PTPRD: variants seen among roughly 807,000 people sequenced by gnomAD.
The protein encoded by PTPRD is protein tyrosine phosphatase receptor type D.
In PTPRD, 34 loss-of-function variants were observed where a neutral mutation model predicts 214.5. The ratio of observed to expected loss-of-function variants is 0.16; its 90% CI spans 0.12 to 0.21. The LOEUF is 0.21. Ranked by LOEUF, PTPRD falls within the 10% of genes least tolerant of loss-of-function variation. The probability of loss-of-function intolerance (pLI) is 1.00; values close to 1 mark genes in which losing one functional copy is unlikely to be tolerated. For synonymous variants in PTPRD, 1,128 were observed against 845.7 expected (o/e 1.33, Z -5.79); for missense variants, 2,545 against 2,398.7 (o/e 1.06, Z -1.27).
intron 12 of PTPRD, among the ~76,000 whole-genome samples, chr9:8,712,053 T>C (rs1410081019): frequency 3.3e-5 from 5 of 152,218 alleles, no homozygotes; most frequent in African/African-American, 1.2e-4. Context: ...TCAAGACTCA[T>C]ACAACAGTAC....
intron 34 of PTPRD, among the ~76,000 whole-genome samples, chr9:8,444,538 T>G (rs989247691): frequency 2.6e-5 from 4 of 151,966 alleles, no homozygotes; most frequent in African/African-American, 4.8e-5. Flanking sequence ...ATATGTCAAA[T>G]AAAAAAGAAA....
At chr9:10,325,070 G>C (rs2096619474) in intron 3 of PTPRD, among the ~76,000 whole-genome samples, 1 of 151,998 alleles carries the variant, frequency 6.6e-6, no homozygotes, top group Non-Finnish European at 1.5e-5. Flanking sequence ...GGTGGCTCTA[G>C]GTTTCACCTC....
intron 9 of PTPRD, among the ~76,000 whole-genome samples, chr9:9,365,558 G>C (rs1357188367): frequency 6.6e-6 from 1 of 151,392 alleles, no homozygotes; most frequent in African/African-American, 2.4e-5. Flanking sequence ...TTATTGCAGG[G>C]GAGTATGGCC....
intron 11 of PTPRD, among the ~76,000 whole-genome samples, chr9:8,895,405 G>C (rs1056314882): frequency 2.0e-5 from 3 of 152,132 alleles, no homozygotes; most frequent in African/African-American, 7.2e-5. Context: ...TTGAAAAAGA[G>C]ACTGAGAGTT....
At chr9:8,365,525 G>GA (rs2134085897) in intron 39 of PTPRD, among the ~76,000 whole-genome samples, 1 of 152,208 alleles carries the variant, frequency 6.6e-6, no homozygotes, top group Non-Finnish European at 1.5e-5. Context: ...AGCCTGGGGA[G>GA]GGAAATTCAC....
intron 2 of PTPRD, among the ~76,000 whole-genome samples, chr9:10,574,431 T>A (rs1199027155): frequency 6.6e-6 from 1 of 152,106 alleles, no homozygotes; most frequent in Non-Finnish European, 1.5e-5. Context: ...AGGTAGTCGG[T>A]ACAGGTATAA....
intron 11 of PTPRD, among the ~76,000 whole-genome samples, chr9:8,785,272 C>T (rs954082457): frequency 6.6e-6 from 1 of 151,992 alleles, no homozygotes; most frequent in Non-Finnish European, 1.5e-5. Context: ...AAAGAGAAAC[C>T]CAGTCATACC....
intron 30 of PTPRD, among the ~76,000 whole-genome samples, chr9:8,482,466 T>A (rs947583769): frequency 5.9e-5 from 9 of 151,976 alleles, no homozygotes; most frequent in Admixed American, 2.0e-4. Flanking sequence ...CAACAATGCA[T>A]GAACTATGAA....
chr9:10,476,689 T>C (rs576815403), intron 2 of PTPRD, among the ~76,000 whole-genome samples: 2 of 152,254 alleles, frequency 1.3e-5, no homozygotes, highest in South Asian at 4.1e-4. Flanking sequence ...AAGACAATCC[T>C]AAGCAAAAAC....
rs76797873 is a variant in PTPRD, at chr9:9,736,577, A to G, written c.-325-2006T>C. Among the ~76,000 whole-genome samples, 1,427 of 152,110 alleles carry G rather than the reference A, an allele frequency of 9.4e-3. 23 individuals carry two copies. The highest frequency in any genetic ancestry group is 0.031 in the African/African-American group (1,307 of 41,556). ...CAAATAATTTAAATAGTGTTACGAG[A>G]ATTGCCATTGTTGCACTTTTCCAGA... On this transcript the variant is annotated intron_variant, in intron 6 of 45. Transcript: ENST00000381196.
chr9:9,141,095 C>T (rs1008505176), intron 10 of PTPRD, among the ~76,000 whole-genome samples: 3 of 151,006 alleles, frequency 2.0e-5, no homozygotes, highest in Non-Finnish European at 4.4e-5. Flanking sequence ...TCTCTGCTCC[C>T]CCTTCTCTTC....
chr9:9,555,950 T>C (rs2081413170), intron 8 of PTPRD, among the ~76,000 whole-genome samples: 1 of 152,128 alleles, frequency 6.6e-6, no homozygotes, highest in African/African-American at 2.4e-5. Context: ...TTAAATTTAT[T>C]TTTTGTGTCT....
intron 2 of PTPRD, among the ~76,000 whole-genome samples, chr9:10,562,116 C>T (rs1372018270): frequency 1.3e-5 from 2 of 152,090 alleles, no homozygotes; most frequent in Non-Finnish European, 2.9e-5. Context: ...TGCTCTATCT[C>T]ATTATGAATC....
intron 5 of PTPRD, among the ~76,000 whole-genome samples, chr9:9,931,592 G>A (rs189041628): frequency 9.3e-4 from 141 of 152,062 alleles, no homozygotes; most frequent in Admixed American, 8.1e-3. Context: ...ACGGAGTCTC[G>A]CTGATTGCTA....
Position 10,331,639 on chromosome 9 carries a change from T to G in PTPRD, c.-545+9324A>C, listed in dbSNP as rs1185124400. On this transcript the variant is annotated intron_variant, in intron 3 of 45. Coordinates refer to ENST00000381196, the MANE Select transcript of PTPRD (RefSeq NM_002839.4). ...AGAATCCTGTGGGCTTAGAGGAAAT[T>G]CCCCATTTTTGCTTGTTAGTCCAAA... 3.9e-5 allele frequency among the ~76,000 whole-genome samples: 6 copies of G among 151,904 alleles called. No homozygotes were observed. The South Asian group carries it at 8.3e-4, about 21-fold the overall frequency.
rs1191376308 is a variant in PTPRD, at chr9:8,316,027, A to AAAAT, written c.*1843_*1846dup. 1.3e-5 allele frequency: 3 copies of AAAAT among 227,894 alleles called. No homozygotes were observed. Among genetic ancestry groups the AAAAT allele is most frequent in the Non-Finnish European group, 1.7e-5 (2 of 114,580 alleles). 14.1% of individuals were successfully genotyped at this position (227,894 alleles called of 1,614,324 possible). ...AAAGTTGCCAATGATATTTGTTACT[A>AAAAT]AAATAAGTTTGGTGCAGTTACTGCA... On this transcript the variant is annotated 3_prime_UTR_variant, in exon 46 of 46. Coordinates refer to ENST00000381196, the MANE Select transcript of PTPRD (RefSeq NM_002839.4).
At chr9:9,808,182 G>T (rs1025570905) in intron 5 of PTPRD, among the ~76,000 whole-genome samples, 1 of 152,126 alleles carries the variant, frequency 6.6e-6, no homozygotes, top group African/African-American at 2.4e-5. Context: ...TAACTATTAT[G>T]TTTTATAGGT....
At chr9:8,644,976 A>G (rs1226164728) in intron 12 of PTPRD, among the ~76,000 whole-genome samples, 1 of 152,228 alleles carries the variant, frequency 6.6e-6, no homozygotes, top group East Asian at 1.9e-4. Flanking sequence ...GGCCAGGAAA[A>G]TAACACCCCA....
chr9:10,309,352 T>C (rs2096196146), intron 3 of PTPRD, among the ~76,000 whole-genome samples: 1 of 152,052 alleles, frequency 6.6e-6, no homozygotes, highest in African/African-American at 2.4e-5. Flanking sequence ...TTTTTTGTTT[T>C]GTTGTGTTGT....
Sources: gnomAD v4.1 joint callset for allele counts (sites outside exome capture counted in the v4.1 genomes callset) on GRCh38, gnomAD v4.1.1 for gene constraint, MANE v1.5 for transcripts, NCBI Gene and HGNC (gene_info 2026-07-23, HGNC 2026-07-21) for gene names.